Variants in CNTN5 observed in about 807,000 individuals in gnomAD.
CNTN5 encodes contactin-5.
CNTN5 carries 77 observed loss-of-function variants against 129.1 expected under a neutral mutation model. The observed-to-expected ratio is 0.60, with a 90% CI of 0.50 to 0.72. CNTN5 has a LOEUF of 0.72. CNTN5 is among the 30% of genes least tolerant of loss of function. The pLI, the probability that CNTN5 is intolerant of heterozygous loss-of-function variation, is 0.00. For synonymous variants in CNTN5, 509 were observed against 465.6 expected (o/e 1.09, Z -1.20); for missense variants, 1,478 against 1,328.8 (o/e 1.11, Z -1.75).
At chr11:99,485,325 A>T (rs886873140) in intron 2 of CNTN5, among the ~76,000 whole-genome samples, 12 of 152,052 alleles carry the variant, frequency 7.9e-5, no homozygotes, top group Non-Finnish European at 7.4e-5. Flanking sequence ...TTAGGGGAAT[A>T]GAACTATTCT....
At position 99,744,247 on chromosome 11, in the gene CNTN5, G is replaced by A. The variant is rs1943974331; in HGVS notation, c.56-75297G>A. 2.0e-5 allele frequency among the ~76,000 whole-genome samples: 3 copies of A among 152,130 alleles called. No individual in the cohort carries two copies. The South Asian group carries it at 6.2e-4, about 32-fold the overall frequency. ...TCTAACTGTCCTCTTTTTCACAGAG[G>A]AGAGACAAGTATTAACTGCTCTTCA... is the stretch of plus-strand genomic sequence containing the variant. On this transcript the variant is annotated intron_variant, in intron 3 of 24. Transcript: ENST00000524871.
At chr11:99,556,824 GTAAT>G (rs1948690444) in intron 3 of CNTN5, among the ~76,000 whole-genome samples, 2 of 150,426 alleles carry the variant, frequency 1.3e-5, no homozygotes, top group Non-Finnish European at 3.0e-5. Flanking sequence ...TGACTTTGTT[GTAAT>G]TAAACTTATT....
intron 1 of CNTN5, among the ~76,000 whole-genome samples, chr11:99,076,155 G>A (rs1865559080): frequency 2.6e-5 from 4 of 151,942 alleles, no homozygotes; most frequent in Admixed American, 2.6e-4. Flanking sequence ...CCAGCATGGT[G>A]AAACCCTGTC....
intron 21 of CNTN5, among the ~76,000 whole-genome samples, chr11:100,330,916 A>G (rs1289070707): frequency 6.6e-6 from 1 of 152,160 alleles, no homozygotes; most frequent in East Asian, 1.9e-4. Flanking sequence ...CAATAACACA[A>G]TGGAAACAAA....
intron 6 of CNTN5, among the ~76,000 whole-genome samples, chr11:99,852,949 G>A (rs1591312169): frequency 6.6e-6 from 1 of 152,124 alleles, no homozygotes; most frequent in African/African-American, 2.4e-5. Context: ...ACTTAATTGT[G>A]TCAGGTTAAC....
intron 1 of CNTN5, among the ~76,000 whole-genome samples, chr11:99,156,359 G>A (rs1459099193): frequency 1.3e-5 from 2 of 151,926 alleles, no homozygotes; most frequent in Admixed American, 1.3e-4. Context: ...AACAATAATT[G>A]GATTTTTTTA....
At chr11:99,514,655 G>A (rs564499109) in intron 2 of CNTN5, among the ~76,000 whole-genome samples, 1 of 152,054 alleles carries the variant, frequency 6.6e-6, no homozygotes, top group African/African-American at 2.4e-5. Context: ...TATTGTTTTG[G>A]CAATAAAGTA....
At chr11:99,835,216 A>G (rs1947265170) in intron 4 of CNTN5, among the ~76,000 whole-genome samples, 1 of 152,236 alleles carries the variant, frequency 6.6e-6, no homozygotes, top group African/African-American at 2.4e-5. Flanking sequence ...ATATGTTCAA[A>G]AAGGGTATGA....
Position 99,312,017 on chromosome 11 carries a change from G to A in CNTN5, c.-209-13329G>A, listed in dbSNP as rs370461218. Among the ~76,000 whole-genome samples, 12 of 152,232 alleles carry A rather than the reference G, an allele frequency of 7.9e-5. No individual in the cohort carries two copies. The East Asian group carries it at 1.7e-3, about 22-fold the overall frequency. ...GCTGTTTTGTTGACTGCTACTGCTG[G>A]TTAGCCAGGAGATAAATTTCAAGTG... On this transcript the variant is annotated intron_variant, in intron 1 of 24. Coordinates refer to ENST00000524871, the MANE Select transcript of CNTN5 (RefSeq NM_014361.4).
chr11:99,437,229 A>G (rs922409770), intron 2 of CNTN5, among the ~76,000 whole-genome samples: 47 of 152,214 alleles, frequency 3.1e-4, no homozygotes, highest in African/African-American at 1.1e-3. Context: ...GATGATCTTC[A>G]ATTATAAAAA....
At chr11:99,271,505 C>T (rs1273771182) in intron 1 of CNTN5, among the ~76,000 whole-genome samples, 1 of 151,808 alleles carries the variant, frequency 6.6e-6, no homozygotes, top group Admixed American at 6.6e-5. Context: ...TTTATTGCTA[C>T]ATAACAAATT....
chr11:99,303,733 A>G (rs866473178), intron 1 of CNTN5, among the ~76,000 whole-genome samples: 1 of 151,918 alleles, frequency 6.6e-6, no homozygotes, highest in Non-Finnish European at 1.5e-5. Flanking sequence ...GGTGAGCCAC[A>G]TTTTCACATT....
intron 3 of CNTN5, among the ~76,000 whole-genome samples, chr11:99,770,076 C>G (rs1462799516): frequency 6.6e-6 from 1 of 151,960 alleles, no homozygotes; most frequent in East Asian, 1.9e-4. Context: ...CTTTCTGTTC[C>G]TGGAACAGGA....
At chr11:99,198,024 T>C (rs976813439) in intron 1 of CNTN5, among the ~76,000 whole-genome samples, 1 of 152,118 alleles carries the variant, frequency 6.6e-6, no homozygotes, top group African/African-American at 2.4e-5. Context: ...TTGATGAGAA[T>C]TCGCTGGTAT....
chr11:99,022,988 G>T (rs938979431), intron 1 of CNTN5, among the ~76,000 whole-genome samples: 26 of 152,164 alleles, frequency 1.7e-4, no homozygotes, highest in African/African-American at 5.5e-4. Context: ...TAATCCCATA[G>T]ATTAACTAAA....
chr11:99,780,066 T>C (rs969192971), intron 3 of CNTN5, among the ~76,000 whole-genome samples: 1 of 152,026 alleles, frequency 6.6e-6, no homozygotes, highest in Non-Finnish European at 1.5e-5. Flanking sequence ...GGATATTATA[T>C]AGAGACTGTC....
intron 1 of CNTN5, among the ~76,000 whole-genome samples, chr11:99,289,188 A>C (rs1312950787): frequency 6.6e-6 from 1 of 151,900 alleles, no homozygotes; most frequent in Non-Finnish European, 1.5e-5. Context: ...ATAAAGATTC[A>C]TTATGCTATT....
At chr11:100,194,885 C>A (rs143148074) in intron 15 of CNTN5, among the ~76,000 whole-genome samples, 1 of 149,938 alleles carries the variant, frequency 6.7e-6, no homozygotes, top group Non-Finnish European at 1.5e-5. Context: ...CTATTCCTTT[C>A]TTCCTGGTTT....
chr11:99,588,106 G>A (rs527553290), intron 3 of CNTN5, among the ~76,000 whole-genome samples: 12 of 152,284 alleles, frequency 7.9e-5, no homozygotes, highest in Admixed American at 5.9e-4. Flanking sequence ...CACTTTGGGA[G>A]GCCGAGGCGG....
Sources: allele counts gnomAD v4.1 joint callset (sites outside exome capture counted in the v4.1 genomes callset), GRCh38; gene constraint gnomAD v4.1.1; transcripts MANE v1.5; gene names NCBI Gene and HGNC (gene_info 2026-07-23, HGNC 2026-07-21).